The following NUP205 variants were observed in gnomAD, a reference collection of about 807,000 sequenced individuals.
NUP205 encodes nuclear pore complex protein Nup205.
In NUP205, 76 loss-of-function variants were observed where a neutral mutation model predicts 253.8. The ratio of observed to expected loss-of-function variants is 0.30; its 90% CI spans 0.25 to 0.36. NUP205 has a LOEUF of 0.36. Ranked by LOEUF, NUP205 falls within the 10% of genes least tolerant of loss-of-function variation. The pLI is 1.00. For missense variants in NUP205, 2,162 were observed against 2,425.5 expected (o/e 0.89, Z 2.28); for synonymous variants, 832 against 850.1 (o/e 0.98, Z 0.37).
chr7:135,647,243 G>C (rs1209563250), intron 42 of NUP205, among the ~76,000 whole-genome samples: 1 of 152,188 alleles, frequency 6.6e-6, no homozygotes, highest in African/African-American at 2.4e-5. Flanking sequence ...AATGTCCTTA[G>C]CCATGATTTG....
chr7:135,646,237 G>T lies in NUP205; in HGVS notation c.5886+6G>T. On this transcript the variant is annotated splice_donor_region_variant and intron_variant, in intron 42 of 42. Coordinates refer to ENST00000285968, the MANE Select transcript of NUP205 (RefSeq NM_015135.3). ...GCCAACATGATTTAGACCAGGTAAG[G>T]TTCTATTCTCATATTCTTTTATTTT... 2 of 1,592,414 alleles carry T rather than the reference G, an allele frequency of 1.3e-6. No individual in the cohort carries two copies. Among genetic ancestry groups the T allele is most frequent in the Non-Finnish European group, 1.7e-6 (2 of 1,160,338 alleles).
intron 6 of NUP205, among the ~76,000 whole-genome samples, chr7:135,578,516 A>AAATG (rs1263759066): frequency 4.6e-5 from 7 of 152,254 alleles, no homozygotes; most frequent in Admixed American, 2.6e-4. Context: ...ACACTTATAA[A>AAATG]AATGACTGAA....
chr7:135,574,028 A>G (rs1044859546), intron 3 of NUP205, among the ~76,000 whole-genome samples: 3 of 151,978 alleles, frequency 2.0e-5, no homozygotes, highest in Non-Finnish European at 4.4e-5. Context: ...GCTGGAGTGC[A>G]GTGGCATGAT....
chr7:135,558,439 C>T (rs575466429), intron 1 of NUP205, among the ~76,000 whole-genome samples: 1 of 152,158 alleles, frequency 6.6e-6, no homozygotes, highest in East Asian at 1.9e-4. Flanking sequence ...ATTATGAAGT[C>T]GGCCATCTGA....
chr7:135,597,228 A>G, intron 13 of NUP205, 140 bp from the exon 14 acceptor site: 1 of 573,086 alleles, frequency 1.7e-6, no homozygotes. Context: ...CCATCCAGGG[A>G]CTAATTGATT....
At chr7:135,623,384 T>G (rs1241978485) in intron 31 of NUP205, among the ~76,000 whole-genome samples, 1 of 152,270 alleles carries the variant, frequency 6.6e-6, no homozygotes, top group Non-Finnish European at 1.5e-5. Context: ...TGCTATAATT[T>G]GAGACTTCTG....
In NUP205 at chr7:135,609,742, T is replaced by C. The variant is rs935384858; in HGVS notation, c.3195+2371T>C. On this transcript the variant is annotated intron_variant, in intron 22 of 42. Coordinates refer to ENST00000285968, the MANE Select transcript of NUP205 (RefSeq NM_015135.3). ...TCCTGCTTTTCTTTTTGTAATTCTTTACTATCTTTTCTGTCCTCCGGCTGT... is the reference window on the plus strand; with the variant it reads ...TCCTGCTTTTCTTTTTGTAATTCTTCACTATCTTTTCTGTCCTCCGGCTGT... Among the ~76,000 whole-genome samples the C allele has an allele frequency of 2.0e-5, 3 of 152,220 alleles. No homozygotes were observed. The East Asian group carries it at 5.8e-4, about 29-fold the overall frequency.
intron 33 of NUP205, 31 bp downstream of exon 33, chr7:135,626,392 A>T: frequency 6.3e-7 from 1 of 1,592,714 alleles, no homozygotes; most frequent in Non-Finnish European, 8.5e-7. Context: ...ATTTGGTTAA[A>T]CTCCCAGTAA....
chr7:135,595,995 G>A (rs1181523242), intron 13 of NUP205, among the ~76,000 whole-genome samples: 2 of 151,826 alleles, frequency 1.3e-5, no homozygotes, highest in Non-Finnish European at 2.9e-5. Flanking sequence ...AGTGCAATGG[G>A]GTGATCTCGG....
chr7:135,648,438 C>G lies in NUP205; in HGVS notation c.5921C>G (p.Ser1974Ter). The G allele has an allele frequency of 6.3e-7, 1 of 1,599,460 alleles. No homozygotes were observed. The highest frequency in any genetic ancestry group is 8.5e-7 in the Non-Finnish European group (1 of 1,175,368). ...QADAINAFGE[S>*]LQKKLLDIEG... ...GATGCAATCAACGCTTTTGGAGAAT[C>G]ACTACAAAAGAAACTTCTGGACATT... is the stretch of plus-strand genomic sequence containing the variant. The change falls in exon 43 of 43, where the codon TCA (serine) becomes TGA (stop). Residue 1974 changes from serine to a stop codon, truncating the protein, a stop_gained. Coordinates refer to ENST00000285968, the MANE Select transcript of NUP205 (RefSeq NM_015135.3). LOFTEE classifies it high-confidence loss of function.
chr7:135,616,580 T>C, intron 24 of NUP205, 75 bp from the exon 25 acceptor site: 1 of 850,338 alleles, frequency 1.2e-6, no homozygotes, highest in Non-Finnish European at 1.8e-6. Flanking sequence ...ATACCTTGTG[T>C]TTGTTATTTC....
chr7:135,637,889 C>T (rs1384351421), intron 36 of NUP205, 42 bp from the exon 37 acceptor site: 1 of 1,566,554 alleles, frequency 6.4e-7, no homozygotes, highest in South Asian at 1.2e-5. Context: ...AGAGAGGTTA[C>T]TAATTTTAAA....
chr7:135,648,744 A>G lies in NUP205; in HGVS notation c.*188A>G, dbSNP rs2129492797. The G allele has an allele frequency of 2.6e-6, 1 of 387,312 alleles. No individual in the cohort carries two copies. Among genetic ancestry groups the G allele is most frequent in the East Asian group, 3.8e-5 (1 of 26,148 alleles). The allele number at this position is 387,312 out of a possible 1,614,324, so 24.0% of individuals were successfully genotyped here. On this transcript the variant is annotated 3_prime_UTR_variant, in exon 43 of 43. Coordinates refer to ENST00000285968, the MANE Select transcript of NUP205 (RefSeq NM_015135.3). ...CTAGTAAAAAATAAATACTTTTTAA[A>G]AAAACAAAACAAATGTATGGTTAAT...
rs928382270 is a variant in NUP205 at position 135,635,605 on chromosome 7, A to G, written c.5084A>G (p.Asp1695Gly). The G allele has an allele frequency of 1.1e-5, 17 of 1,589,078 alleles. No homozygotes were observed. The highest frequency in any genetic ancestry group is 1.5e-5 in the Non-Finnish European group (17 of 1,159,760). ...LPGILSELDV[D>G]VNEGSLMELQ... ...GGAATATTAAGTGAACTTGACGTTGATGTAAATGAAGGGTCTCTAATGGAG... is the reference window on the plus strand; with the variant it reads ...GGAATATTAAGTGAACTTGACGTTGGTGTAAATGAAGGGTCTCTAATGGAG... The change falls in exon 36 of 43, where the codon GAT becomes GGT. Residue 1695 changes from aspartate to glycine, a missense_variant. This residue lies in a region of NUP205 where 1,144 missense variants were observed against 1,280.9 expected (regional missense o/e 0.89). Coordinates refer to ENST00000285968, the MANE Select transcript of NUP205 (RefSeq NM_015135.3).
chr7:135,590,988 A>C (rs1470228550), intron 10 of NUP205, among the ~76,000 whole-genome samples: 1 of 152,358 alleles, frequency 6.6e-6, no homozygotes, highest in Admixed American at 6.5e-5. Flanking sequence ...AAATAGACTT[A>C]AAGAACAGGA....
At chr7:135,616,943 A>G in intron 25 of NUP205, 147 bp from the exon 26 acceptor site, 1 of 658,188 alleles carries the variant, frequency 1.5e-6, no homozygotes, top group Non-Finnish European at 2.5e-6. Flanking sequence ...ATAAAATCAA[A>G]TTTAGATTCC....
chr7:135,594,487 C>A, intron 12 of NUP205, 60 bp from the exon 13 acceptor site: 1 of 1,310,126 alleles, frequency 7.6e-7, no homozygotes, highest in South Asian at 1.4e-5. Flanking sequence ...TAGATGATTG[C>A]TGGTCATTTT....
At chr7:135,625,838 A>G (rs902383744) in intron 32 of NUP205, among the ~76,000 whole-genome samples, 1 of 152,222 alleles carries the variant, frequency 6.6e-6, no homozygotes, top group African/African-American at 2.4e-5. Context: ...CTGAAATTTT[A>G]GATTCTTCAT....
intron 22 of NUP205, among the ~76,000 whole-genome samples, chr7:135,609,658 A>G (rs530559984): frequency 6.6e-6 from 1 of 152,256 alleles, no homozygotes; most frequent in Non-Finnish European, 1.5e-5. Context: ...AAAAAAAAAA[A>G]AAGAAATGCA....
Sources: allele counts gnomAD v4.1 joint callset (sites outside exome capture counted in the v4.1 genomes callset), GRCh38; gene constraint gnomAD v4.1.1; regional missense constraint gnomAD v4.1.1; transcripts MANE v1.5; gene names NCBI Gene and HGNC (gene_info 2026-07-23, HGNC 2026-07-21).